FAM13B: variants seen among roughly 807,000 people sequenced by gnomAD.
FAM13B encodes the protein protein FAM13B.
Under a neutral mutation model 117.3 loss-of-function variants are expected in FAM13B, and 60 were observed. The observed-to-expected ratio is 0.51, with a 90% CI of 0.42 to 0.63. The LOEUF (loss-of-function observed/expected upper bound fraction) is 0.63. Ranked by LOEUF, FAM13B falls within the 30% of genes least tolerant of loss-of-function variation. The pLI, the probability that FAM13B is intolerant of heterozygous loss-of-function variation, is 0.00. For synonymous variants in FAM13B, 332 were observed against 356.1 expected (o/e 0.93, Z 0.76); for missense variants, 972 against 1,091.9 (o/e 0.89, Z 1.55).
intron 11 of FAM13B, among the ~76,000 whole-genome samples, chr5:137,961,434 T>C (rs1375412448): frequency 3.9e-5 from 6 of 152,164 alleles, no homozygotes; most frequent in African/African-American, 1.4e-4. Context: ...TTGTTAATTT[T>C]ATATCTTCAG....
upstream of FAM13B, chr5:138,036,303 T>A (rs1013115838): frequency 2.3e-6 from 1 of 426,990 alleles, no homozygotes; most frequent in African/African-American, 2.0e-5. Flanking sequence ...TGCTGCTGTG[T>A]TAGCCTAGTG....
intron 7 of FAM13B, among the ~76,000 whole-genome samples, chr5:138,000,718 G>T (rs1345155244): frequency 3.3e-5 from 5 of 152,064 alleles, no homozygotes; most frequent in Non-Finnish European, 5.9e-5. Flanking sequence ...ATCACTTGAA[G>T]CCAGGAGTTC....
At chr5:137,945,001 C>G (rs545980757) in intron 20 of FAM13B, among the ~76,000 whole-genome samples, 1 of 152,150 alleles carries the variant, frequency 6.6e-6, no homozygotes, top group African/African-American at 2.4e-5. Context: ...GTGCACTATG[C>G]TCAGTACCTA....
At chr5:137,966,444 A>C (rs1191535755) in intron 10 of FAM13B, among the ~76,000 whole-genome samples, 2 of 142,746 alleles carry the variant, frequency 1.4e-5, no homozygotes, top group Non-Finnish European at 3.0e-5. Context: ...AAAAAAAAAA[A>C]GAAAGAAATA....
intron 1 of FAM13B, among the ~76,000 whole-genome samples, chr5:138,028,323 T>C (rs1001648479): frequency 6.6e-6 from 1 of 152,236 alleles, no homozygotes; most frequent in Non-Finnish European, 1.5e-5. Flanking sequence ...ACTAGACTGA[T>C]AAGAGTAAGA....
rs770376883 is a variant in FAM13B at position 137,949,122 on chromosome 5, G to A, written c.1993C>T (p.Leu665Phe). The part of the protein sequence containing the change: ...VPQTRPRSNT[L>F]PKSFGSSLDH... ...AGAGAAGAGCCAAAGCTTTTTGGAA[G>A]TGTGTTACTACGTGGACGTGTCTGA... Residue 665 changes from leucine to phenylalanine, a missense_variant, in exon 18 of 24, where the codon CTT (leucine) becomes TTT (phenylalanine). Physicochemically the swap from Leu to Phe is conservative, Grantham distance 22. Coordinates refer to ENST00000689681, the MANE Select transcript of FAM13B (RefSeq NM_001385994.1). The A allele has an allele frequency of 3.1e-6, 5 of 1,614,024 alleles. No individual in the cohort carries two copies. The highest frequency in any genetic ancestry group is 2.2e-5 in the South Asian group (2 of 91,084).
At chr5:137,942,129 A>G in intron 22 of FAM13B, 84 bp from the exon 23 acceptor site, 2 of 1,176,624 alleles carry the variant, frequency 1.7e-6, no homozygotes, top group Non-Finnish European at 2.4e-6. Context: ...CTGCAAATTA[A>G]AAGTGGCTGG....
At chr5:138,048,945 T>TA (rs935796043) in intron 1 of FAM13B, among the ~76,000 whole-genome samples, 2 of 149,094 alleles carry the variant, frequency 1.3e-5, no homozygotes, top group Non-Finnish European at 3.0e-5. Context: ...CATTTCTTTT[T>TA]TTTTTTTTTT....
intron 7 of FAM13B, among the ~76,000 whole-genome samples, chr5:137,988,875 T>C (rs899027396): frequency 6.6e-6 from 1 of 152,162 alleles, no homozygotes; most frequent in Non-Finnish European, 1.5e-5. Flanking sequence ...CCCCCAAATA[T>C]ATATACTTGT....
At chr5:137,967,308 A>G (rs1161000217) in intron 10 of FAM13B, among the ~76,000 whole-genome samples, 1 of 151,960 alleles carries the variant, frequency 6.6e-6, no homozygotes, top group Non-Finnish European at 1.5e-5. Context: ...GGTGGATCAC[A>G]AGGTCAGGAG....
chr5:137,944,425 A>G (rs991820207), intron 20 of FAM13B, among the ~76,000 whole-genome samples: 1 of 152,202 alleles, frequency 6.6e-6, no homozygotes, highest in African/African-American at 2.4e-5. Flanking sequence ...TGGATTGGAT[A>G]AAGAAAATGT....
chr5:137,959,940 T>C (rs550309732), intron 12 of FAM13B, among the ~76,000 whole-genome samples, 177 bp from the exon 13 acceptor site: 49 of 152,334 alleles, frequency 3.2e-4, no homozygotes, highest in African/African-American at 1.1e-3. Context: ...TTTTAGAATA[T>C]GTCTTATTGG....
chr5:137,987,561 T>C lies in FAM13B; in HGVS notation c.946A>G (p.Ser316Gly), dbSNP rs1258309409. The C allele has an allele frequency of 1.2e-6, 2 of 1,613,484 alleles. No individual in the cohort carries two copies. The highest frequency in any genetic ancestry group is 1.7e-6 in the Non-Finnish European group (2 of 1,179,648). ...TTCTTAAGATCATGATCTATGCTGC[T>C]CTGAAGATCAAAAAGGTGCTGTTCC... ...AVEQHLFDLQSSIDHDLKNLQ... is the reference protein window; with the variant it reads ...AVEQHLFDLQGSIDHDLKNLQ... The change falls in exon 9 of 24, where the codon AGC becomes GGC. Residue 316 changes from serine to glycine, a missense_variant. Coordinates refer to ENST00000689681, the MANE Select transcript of FAM13B (RefSeq NM_001385994.1).
chr5:138,007,237 A>G, intron 6 of FAM13B, 90 bp from the exon 7 acceptor site: 1 of 1,001,564 alleles, frequency 1.0e-6, no homozygotes. Flanking sequence ...TTTAAACACA[A>G]ACAACTCATT....
intron 6 of FAM13B, among the ~76,000 whole-genome samples, chr5:138,007,527 G>T (rs372406190): frequency 6.6e-6 from 1 of 152,144 alleles, no homozygotes; most frequent in Non-Finnish European, 1.5e-5. Context: ...GATTTTCCAG[G>T]TGCCTTAAAC....
At chr5:138,047,878 G>A (rs1220211471) in intron 1 of FAM13B, among the ~76,000 whole-genome samples, 1 of 152,172 alleles carries the variant, frequency 6.6e-6, no homozygotes, top group Non-Finnish European at 1.5e-5. Context: ...CTTTAGCCCA[G>A]TGAGACCCAC....
chr5:138,025,705 A>G (rs4835752), intron 1 of FAM13B, among the ~76,000 whole-genome samples: 111,996 of 151,916 alleles, frequency 0.74, 41,950 homozygotes, highest in East Asian at 0.97. Flanking sequence ...CATACAATCC[A>G]AAGTGGTCTA....
chr5:137,954,323 G>T lies in FAM13B; in HGVS notation c.1561C>A (p.Gln521Lys). The T allele has an allele frequency of 1.9e-6, 3 of 1,613,900 alleles. No individual in the cohort carries two copies. The highest frequency in any genetic ancestry group is 1.7e-6 in the Non-Finnish European group (2 of 1,179,974). ...ATTCTTCCAGCTTGTGGAGACAGCT[G>T]AGCTTCTCCAGACTCAGAGTCCTCC... is the stretch of plus-strand genomic sequence containing the variant. ...WQEDSESGEAQLSPQAGRMNH... is the reference protein window; with the variant it reads ...WQEDSESGEAKLSPQAGRMNH... The change falls in exon 15 of 24, where the codon CAG (glutamine) becomes AAG (lysine). Residue 521 changes from glutamine (Q) to lysine (K), a missense_variant. Gln to Lys is a moderately conservative substitution (Grantham distance 53, BLOSUM62 1). Coordinates refer to ENST00000689681, the MANE Select transcript of FAM13B (RefSeq NM_001385994.1).
At chr5:137,972,700 T>C (rs1183431008) in intron 10 of FAM13B, among the ~76,000 whole-genome samples, 10 of 151,672 alleles carry the variant, frequency 6.6e-5, no homozygotes, top group Non-Finnish European at 1.0e-4. Context: ...TGATTGTATA[T>C]CTAGAAAACC....
Sources: allele counts gnomAD v4.1 joint callset (sites outside exome capture counted in the v4.1 genomes callset), GRCh38; gene constraint gnomAD v4.1.1; transcripts MANE v1.5; gene names NCBI Gene and HGNC (gene_info 2026-07-23, HGNC 2026-07-21).